Variants in MKX observed in about 807,000 individuals in gnomAD.
MKX encodes mohawk homeobox.
A neutral mutation model predicts 36.0 loss-of-function variants in MKX; 13 were observed. The ratio of observed to expected loss-of-function variants is 0.36; its 90% CI spans 0.24 to 0.57. The LOEUF is 0.57. Ranked by LOEUF, MKX falls within the 20% of genes least tolerant of loss-of-function variation. MKX has a pLI of 0.79. For synonymous variants in MKX, 176 were observed against 178.3 expected (o/e 0.99, Z 0.10); for missense variants, 458 against 456.4 (o/e 1.00, Z -0.03).
In MKX at chr10:27,741,132, C is replaced by T. The variant is rs1183464132; in HGVS notation, c.348+213G>A. 6.6e-6 allele frequency among the ~76,000 whole-genome samples: 1 copy of T among 152,212 alleles called. No individual in the cohort carries two copies. The highest frequency in any genetic ancestry group is 6.5e-5 in the Admixed American group (1 of 15,284). Reference sequence around the variant, plus strand: ...AAGTCTGCAGTTTACTTTTCACTTCCCTACCTGACAGCGCATCCTGCATTC... The same window carrying T: ...AAGTCTGCAGTTTACTTTTCACTTCTCTACCTGACAGCGCATCCTGCATTC... On this transcript the variant is annotated intron_variant, in intron 3 of 6. Coordinates refer to ENST00000419761, the MANE Select transcript of MKX (RefSeq NM_173576.3). This position sits in a 1 kb window ranked among gnomAD's most constrained non-coding sequence, Gnocchi z 5.1.
At chr10:27,707,998 C>T (rs908263691) in intron 5 of MKX, among the ~76,000 whole-genome samples, 7 of 152,084 alleles carry the variant, frequency 4.6e-5, no homozygotes, top group Non-Finnish European at 7.3e-5. Flanking sequence ...AACTTTGTAT[C>T]CTTAAAATAG....
intron 5 of MKX, among the ~76,000 whole-genome samples, chr10:27,701,666 G>A (rs963285809): frequency 1.4e-5 from 2 of 141,696 alleles, no homozygotes; most frequent in African/African-American, 5.2e-5. Flanking sequence ...ATATTAATAT[G>A]TTATTTTATA....
chr10:27,699,856 T>G (rs1331301167), intron 5 of MKX, among the ~76,000 whole-genome samples: 1 of 152,198 alleles, frequency 6.6e-6, no homozygotes, highest in Non-Finnish European at 1.5e-5. Flanking sequence ...GAAAGCAGAT[T>G]GTAGTAAGAA....
chr10:27,724,730 C>T (rs1026392642), intron 5 of MKX, among the ~76,000 whole-genome samples: 2 of 147,506 alleles, frequency 1.4e-5, no homozygotes, highest in Non-Finnish European at 3.0e-5. Context: ...CAACTATGTT[C>T]GATTTCTATT....
chr10:27,695,020 C>A (rs1589663004), intron 5 of MKX, among the ~76,000 whole-genome samples: 1 of 151,958 alleles, frequency 6.6e-6, no homozygotes, highest in East Asian at 1.9e-4. Flanking sequence ...ATTGTTATAG[C>A]CCAGCCTTGC....
chr10:27,681,677 T>C (rs1236336402), intron 5 of MKX, among the ~76,000 whole-genome samples: 3 of 152,018 alleles, frequency 2.0e-5, no homozygotes, highest in African/African-American at 7.2e-5. Context: ...TCCTAGCACT[T>C]TGGGAGGCCG....
At chr10:27,683,997 T>C (rs1182725043) in intron 5 of MKX, among the ~76,000 whole-genome samples, 1 of 152,210 alleles carries the variant, frequency 6.6e-6, no homozygotes, top group African/African-American at 2.4e-5. Context: ...CTACAGTGAC[T>C]ATACAGTTCT....
Position 27,675,222 on chromosome 10 carries a change from C to T in MKX, c.*7G>A, listed in dbSNP as rs1459575956. 6.2e-7 allele frequency: 1 copy of T among 1,610,898 alleles called. No homozygotes were observed. Among genetic ancestry groups the T allele is most frequent in the African/African-American group, 1.3e-5 (1 of 74,812 alleles). On this transcript the variant is annotated 3_prime_UTR_variant, in exon 7 of 7. Transcript: ENST00000419761. ...AACATCCATTGGATCTGAAAAGCAA[C>T]AAGCTCTTAAAACTGCTGCACCAGC...
At chr10:27,691,395 T>C (rs1268218962) in intron 5 of MKX, among the ~76,000 whole-genome samples, 2 of 152,180 alleles carry the variant, frequency 1.3e-5, no homozygotes, top group African/African-American at 4.8e-5. Context: ...TAAATAACCA[T>C]GCTGGAATTC....
At position 27,675,112 on chromosome 10, in the gene MKX, T is replaced by C; in HGVS notation, c.*117A>G. 1 of 908,920 alleles carries C rather than the reference T, an allele frequency of 1.1e-6. No homozygotes were observed. The highest frequency in any genetic ancestry group is 1.6e-6 in the Non-Finnish European group (1 of 613,456). The allele number at this position is 908,920 out of a possible 1,614,324, so 56.3% of individuals were successfully genotyped here. On this transcript the variant is annotated 3_prime_UTR_variant, in exon 7 of 7. Coordinates refer to ENST00000419761, the MANE Select transcript of MKX (RefSeq NM_173576.3). The stretch of plus-strand genomic sequence containing the variant: ...CAACTAAATGATATATTTGGGATAA[T>C]TAAAAATAAGAAGAGGTTTGGGAGA...
intron 5 of MKX, among the ~76,000 whole-genome samples, chr10:27,731,252 T>C (rs1377565796): frequency 1.3e-5 from 2 of 152,126 alleles, no homozygotes; most frequent in African/African-American, 4.8e-5. Flanking sequence ...TGTACTACTG[T>C]AGCACTGGGG....
intron 5 of MKX, among the ~76,000 whole-genome samples, chr10:27,720,055 T>G (rs1331099725): frequency 6.6e-6 from 1 of 150,734 alleles, no homozygotes; most frequent in Non-Finnish European, 1.5e-5. Context: ...AAGACCAAAT[T>G]ATTAATAATA....
At chr10:27,717,083 G>A (rs1836979387) in intron 5 of MKX, among the ~76,000 whole-genome samples, 1 of 152,136 alleles carries the variant, frequency 6.6e-6, no homozygotes, top group Admixed American at 6.6e-5. Flanking sequence ...GAGTTGGGCA[G>A]CCTCTAGAAA....
At chr10:27,689,237 G>T (rs1469691091) in intron 5 of MKX, among the ~76,000 whole-genome samples, 2 of 152,066 alleles carry the variant, frequency 1.3e-5, no homozygotes, top group Non-Finnish European at 1.5e-5. Flanking sequence ...AAACTTCTTG[G>T]CTCTTCACAA....
Position 27,675,171 on chromosome 10 carries a change from T to C in MKX, c.*58A>G, listed in dbSNP as rs145130413. 295 of 1,533,954 alleles carry C rather than the reference T, an allele frequency of 1.9e-4. 1 individual carries two copies. In the East Asian group the frequency reaches 5.5e-3, roughly 29 times the overall value. ...TTCATCCCTGCTTCGGCTCTTAGGA[T>C]GAGGGTTGATGAAAACACCGGAAAG... is the stretch of plus-strand genomic sequence containing the variant. On this transcript the variant is annotated 3_prime_UTR_variant, in exon 7 of 7. Coordinates refer to ENST00000419761, the MANE Select transcript of MKX (RefSeq NM_173576.3).
Position 27,674,005 on chromosome 10 carries a change from C to G in MKX, c.*1224G>C, listed in dbSNP as rs1836097177. 6.6e-6 allele frequency: 1 copy of G among 152,096 alleles called. No individual in the cohort carries two copies. The highest frequency in any genetic ancestry group is 1.5e-5 in the Non-Finnish European group (1 of 67,992). 9.4% of individuals were successfully genotyped at this position (152,096 alleles called of 1,614,324 possible). On this transcript the variant is annotated 3_prime_UTR_variant, in exon 7 of 7. Transcript: ENST00000419761. ...TCCACTGCTTATTCAAGTTTCAGGT[C>G]TTCCCAAGCTGATTGGAATATTATT...
chr10:27,674,780 T>C lies in MKX; in HGVS notation c.*449A>G, dbSNP rs1313663435. The C allele has an allele frequency of 1.3e-5, 2 of 153,524 alleles. No individual in the cohort carries two copies. Among genetic ancestry groups the C allele is most frequent in the South Asian group, 2.1e-4 (1 of 4,856 alleles). 9.5% of individuals were successfully genotyped at this position (153,524 alleles called of 1,614,324 possible). A position where few individuals can be genotyped will look rare whatever the true frequency, so the allele number is the denominator to read the frequency against. The stretch of plus-strand genomic sequence containing the variant: ...TTTAAAAGGAAGATTTCATTTGGGC[T>C]GAACAGATATCCAAGTTTTAACATA... On this transcript the variant is annotated 3_prime_UTR_variant, in exon 7 of 7. Transcript: ENST00000419761.
Position 27,744,167 on chromosome 10 carries a change from T to G in MKX, c.-82-670A>C, listed in dbSNP as rs12249445. On this transcript the variant is annotated intron_variant, in intron 1 of 6. Coordinates refer to ENST00000419761, the MANE Select transcript of MKX (RefSeq NM_173576.3). The surrounding 1 kb of genome is among the most constrained non-coding windows in gnomAD (Gnocchi z 5.6). ...GGCGTCAGGACGAAAGCACCACTTCTCCCCCTTCTCTCCCAGAATCTTCCT... is the reference window on the plus strand; with the variant it reads ...GGCGTCAGGACGAAAGCACCACTTCGCCCCCTTCTCTCCCAGAATCTTCCT... Among the ~76,000 whole-genome samples, 7,280 of 151,866 alleles carry G rather than the reference T, an allele frequency of 0.048. 566 individuals are homozygous for G. The highest frequency in any genetic ancestry group is 0.16 in the African/African-American group (6,731 of 41,346).
chr10:27,714,974 G>T (rs1222825863), intron 5 of MKX, among the ~76,000 whole-genome samples: 1 of 152,190 alleles, frequency 6.6e-6, no homozygotes, highest in African/African-American at 2.4e-5. Context: ...CCCCAGGCAG[G>T]GTCTCTCTTC....
Sources: gnomAD v4.1 joint callset for allele counts (sites outside exome capture counted in the v4.1 genomes callset) on GRCh38, gnomAD v4.1.1 for gene constraint, Gnocchi (gnomAD v3.1) non-coding constraint, MANE v1.5 for transcripts, NCBI Gene and HGNC (gene_info 2026-07-23, HGNC 2026-07-21) for gene names.